Variants in C12orf54 observed in about 807,000 individuals in gnomAD.
C12orf54 encodes the protein chromosome 12 open reading frame 54.
In C12orf54, 24 loss-of-function variants were observed where a neutral mutation model predicts 26.4. That is an observed-to-expected ratio of 0.91 (90% confidence interval 0.66 to 1.28). C12orf54 has a LOEUF of 1.28. Ranked by LOEUF, C12orf54 falls within the 50% of genes most tolerant of loss-of-function variation. The pLI is 0.00. For synonymous variants in C12orf54, 54 were observed against 47.0 expected, an observed-to-expected ratio of 1.15 and a Z score of -0.61; for missense variants, 154 against 150.9, an observed-to-expected ratio of 1.02 and a Z score of -0.11.
At chr12:48,472,683 A>T in the C12orf54 span, 1 of 1,614,162 alleles carries the variant, frequency 6.2e-7, no homozygotes, top group Admixed American at 1.7e-5. Context: ...GGGCAAATGG[A>T]TTCATTTAGA....
the C12orf54 span, among the ~76,000 whole-genome samples, chr12:48,474,643 C>T: frequency 6.6e-6 from 1 of 152,234 alleles, no homozygotes; most frequent in Non-Finnish European, 1.5e-5. Flanking sequence ...TCGCTCATTG[C>T]TAGCACAGCA....
chr12:48,466,235 A>G, the C12orf54 span, among the ~76,000 whole-genome samples: 22,043 of 152,164 alleles, frequency 0.14, 2,807 homozygotes, highest in East Asian at 0.66. Context: ...ATTTGTTCAG[A>G]CATTTCATCA....
At chr12:48,467,404 A>G in the C12orf54 span, among the ~76,000 whole-genome samples, 1 of 152,196 alleles carries the variant, frequency 6.6e-6, no homozygotes, top group African/African-American at 2.4e-5. Flanking sequence ...GCAATTTGTT[A>G]TGGCAGCCCT....
the C12orf54 span, among the ~76,000 whole-genome samples, chr12:48,441,185 T>C: frequency 6.6e-6 from 1 of 152,240 alleles, no homozygotes; most frequent in African/African-American, 2.4e-5. Context: ...TGAACTCTTA[T>C]TATGATTCAT....
chr12:48,424,792 A>C, the C12orf54 span, among the ~76,000 whole-genome samples: 1 of 152,148 alleles, frequency 6.6e-6, no homozygotes, highest in Non-Finnish European at 1.5e-5. Flanking sequence ...TATCAACATC[A>C]CTACGCTAAG....
the C12orf54 span, among the ~76,000 whole-genome samples, chr12:48,440,114 A>G: frequency 2.0e-5 from 3 of 151,818 alleles, no homozygotes; most frequent in Non-Finnish European, 2.9e-5. Flanking sequence ...AATCCCAGCT[A>G]CTCGGAAGGC....
the C12orf54 span, among the ~76,000 whole-genome samples, chr12:48,446,130 G>A: frequency 6.6e-6 from 1 of 152,176 alleles, no homozygotes; most frequent in Non-Finnish European, 1.5e-5. Flanking sequence ...CTGAGTTGGT[G>A]GGTGTGCCTC....
intron 2 of C12orf54, among the ~76,000 whole-genome samples, chr12:48,484,233 T>C (rs953081246): frequency 6.6e-6 from 1 of 152,176 alleles, no homozygotes; most frequent in Non-Finnish European, 1.5e-5. Flanking sequence ...AAATGACTTC[T>C]AAATTTCTAA....
In C12orf54 at chr12:48,486,730, A is replaced by T; in HGVS notation, c.135+4A>T. The T allele has an allele frequency of 3.1e-6, 5 of 1,612,132 alleles. No homozygotes were observed. Among genetic ancestry groups the T allele is most frequent in the Non-Finnish European group, 4.2e-6 (5 of 1,178,224 alleles). On this transcript the variant is annotated splice_donor_region_variant and intron_variant, in intron 4 of 8. Transcript: ENST00000548364. ...CACTGAAACCCTGTGGGACCAGGTG[A>T]GTACAGAGGAATCATTTTTGACAGC...
chr12:48,415,877 CA>C, the C12orf54 span, among the ~76,000 whole-genome samples: 1 of 152,068 alleles, frequency 6.6e-6, no homozygotes, highest in Admixed American at 6.5e-5. Context: ...ACCAACCAGC[CA>C]AACTAACAGA....
the C12orf54 span, among the ~76,000 whole-genome samples, chr12:48,419,589 T>C: frequency 1.3e-5 from 2 of 152,210 alleles, no homozygotes; most frequent in South Asian, 2.1e-4. Context: ...GGATAGATGA[T>C]GGGGGGTAGG....
At chr12:48,490,718 A>C (rs775881489) in intron 5 of C12orf54, 94 bp from the exon 6 acceptor site, 129 of 1,413,512 alleles carry the variant, frequency 9.1e-5, no homozygotes, top group Non-Finnish European at 1.2e-4. Context: ...CCAAACAGAC[A>C]TCCCTGCATT....
chr12:48,423,754 T>G, the C12orf54 span, among the ~76,000 whole-genome samples: 7 of 152,230 alleles, frequency 4.6e-5, no homozygotes, highest in East Asian at 1.4e-3. Flanking sequence ...TACTAACATT[T>G]GTAAATTTCT....
chr12:48,450,790 C>A, the C12orf54 span, among the ~76,000 whole-genome samples: 2 of 152,106 alleles, frequency 1.3e-5, no homozygotes, highest in Non-Finnish European at 2.9e-5. Flanking sequence ...GAAATTGAAT[C>A]CTGGAACAGA....
chr12:48,464,704 A>G, the C12orf54 span, among the ~76,000 whole-genome samples: 4 of 152,192 alleles, frequency 2.6e-5, no homozygotes, highest in African/African-American at 7.2e-5. Flanking sequence ...GCAGCTTGGT[A>G]CTGGTACAAA....
chr12:48,442,012 C>T, the C12orf54 span: 1 of 152,214 alleles, frequency 6.6e-6, no homozygotes, highest in Non-Finnish European at 1.5e-5. Context: ...ATTCTGATTT[C>T]ATAAGTCTAT....
upstream of C12orf54, among the ~76,000 whole-genome samples, chr12:48,481,228 G>C (rs746660144): frequency 6.6e-6 from 1 of 151,690 alleles, no homozygotes; most frequent in Non-Finnish European, 1.5e-5. Flanking sequence ...ATGACTTTTG[G>C]ATAGCAAAAG....
At chr12:48,470,360 T>C in the C12orf54 span, among the ~76,000 whole-genome samples, 1 of 152,186 alleles carries the variant, frequency 6.6e-6, no homozygotes. Flanking sequence ...ACATCTGTTA[T>C]TTTTTTACTT....
the C12orf54 span, among the ~76,000 whole-genome samples, chr12:48,439,159 A>C: frequency 6.6e-6 from 1 of 152,226 alleles, no homozygotes; most frequent in Non-Finnish European, 1.5e-5. Context: ...GCTCATCATC[A>C]CTGGCCATCA....
Sources: allele counts gnomAD v4.1 joint callset (sites outside exome capture counted in the v4.1 genomes callset), GRCh38; gene constraint gnomAD v4.1.1; transcripts MANE v1.5; gene names NCBI Gene and HGNC (gene_info 2026-07-23, HGNC 2026-07-21).